The following RHOH variants were observed in gnomAD, a reference collection of about 807,000 sequenced individuals.
The protein encoded by RHOH is ras homolog family member H.
A neutral mutation model predicts 13.8 loss-of-function variants in RHOH; 6 were observed. The observed-to-expected ratio is 0.44, with a 90% CI of 0.24 to 0.86. The LOEUF is 0.86. RHOH is among the 40% of genes least tolerant of loss of function. The probability of loss-of-function intolerance (pLI) is 0.24; values close to 1 mark genes in which losing one functional copy is unlikely to be tolerated. For synonymous variants in RHOH, 117 were observed against 103.0 expected (o/e 1.14, Z -0.82); for missense variants, 147 against 244.5 (o/e 0.60, Z 2.66).
At chr4:40,240,731 C>G (rs538344473) in intron 1 of RHOH, among the ~76,000 whole-genome samples, 4 of 151,844 alleles carry the variant, frequency 2.6e-5, no homozygotes, top group Admixed American at 2.6e-4. Flanking sequence ...GAGCCGAGAT[C>G]GAGCCACTGC....
intron 1 of RHOH, among the ~76,000 whole-genome samples, chr4:40,197,857 T>G (rs558051149): frequency 6.6e-6 from 1 of 152,158 alleles, no homozygotes; most frequent in Non-Finnish European, 1.5e-5. Context: ...GTGGTTTGAT[T>G]TGGAGATATG....
chr4:40,236,899 A>G (rs16995657), intron 1 of RHOH, among the ~76,000 whole-genome samples: 2,004 of 152,310 alleles, frequency 0.013, 45 homozygotes, highest in African/African-American at 0.046. Context: ...GAACTAACCC[A>G]AAGACAGTGA....
chr4:40,219,458 C>CAT (rs1353285606), intron 1 of RHOH, among the ~76,000 whole-genome samples: 1 of 150,484 alleles, frequency 6.6e-6, no homozygotes, highest in East Asian at 1.9e-4. Flanking sequence ...CACATACATT[C>CAT]ATATATATAT....
intron 1 of RHOH, among the ~76,000 whole-genome samples, chr4:40,203,946 C>T (rs1724334536): frequency 6.6e-6 from 1 of 151,930 alleles, no homozygotes; most frequent in Non-Finnish European, 1.5e-5. Flanking sequence ...ACACTCTGGA[C>T]CTTACTGTAT....
At chr4:40,195,354 T>TTTCCTCCCTTCC, upstream of RHOH, among the ~76,000 whole-genome samples, 1 of 92,046 alleles carries the variant, frequency 1.1e-5, no homozygotes, top group East Asian at 3.2e-4. Context: ...CTTTCTTTCT[T>TTTCCTCCCTTCC]TTCCTTCCTT....
chr4:40,201,646 G>A (rs763366137), intron 1 of RHOH, among the ~76,000 whole-genome samples: 3 of 151,908 alleles, frequency 2.0e-5, no homozygotes, highest in Non-Finnish European at 4.4e-5. Flanking sequence ...AATAAATCAG[G>A]CTCCCCACCT....
chr4:40,200,279 G>A (rs1723789986), intron 1 of RHOH: 1 of 152,238 alleles, frequency 6.6e-6, no homozygotes, highest in Non-Finnish European at 1.5e-5. Context: ...TGCACAAGAA[G>A]TTGTCATACT....
intron 1 of RHOH, among the ~76,000 whole-genome samples, chr4:40,197,794 G>C (rs1441846979): frequency 6.6e-6 from 1 of 152,136 alleles, no homozygotes; most frequent in Non-Finnish European, 1.5e-5. Flanking sequence ...TCCCAAAAGT[G>C]CTCTATGATG....
Position 40,204,240 on chromosome 4 carries a change from C to T in RHOH, c.-331+6940C>T, listed in dbSNP as rs1192184891. ...GGAGATGATTCTTTTACTTTAATCACATTCCCCATCGTCAGGGCCTCTGAT... is the reference window on the plus strand; with the variant it reads ...GGAGATGATTCTTTTACTTTAATCATATTCCCCATCGTCAGGGCCTCTGAT... On this transcript the variant is annotated intron_variant, in intron 1 of 2. Coordinates refer to ENST00000381799, the MANE Select transcript of RHOH (RefSeq NM_004310.5). Among the ~76,000 whole-genome samples the T allele has an allele frequency of 2.0e-5, 3 of 152,190 alleles. No individual in the cohort carries two copies. In the East Asian group the frequency reaches 5.8e-4, roughly 29 times the overall value.
chr4:40,235,605 A>AAG (rs1553860297), intron 1 of RHOH, among the ~76,000 whole-genome samples: 1 of 147,256 alleles, frequency 6.8e-6, no homozygotes, highest in Non-Finnish European at 1.5e-5. Flanking sequence ...AAAAAAAAAA[A>AAG]AAAGAAAAAA....
At chr4:40,225,566 C>T (rs190654602) in intron 1 of RHOH, among the ~76,000 whole-genome samples, 9 of 152,226 alleles carry the variant, frequency 5.9e-5, no homozygotes, top group African/African-American at 2.2e-4. Context: ...ACACGAAGGA[C>T]GCCGCTGGAT....
chr4:40,237,355 T>C (rs925051906), intron 1 of RHOH, among the ~76,000 whole-genome samples: 2 of 151,916 alleles, frequency 1.3e-5, no homozygotes, highest in African/African-American at 4.8e-5. Flanking sequence ...CTCAGGAGAC[T>C]GAGGCAGGAG....
upstream of RHOH, among the ~76,000 whole-genome samples, chr4:40,195,980 G>A (rs1723091932): frequency 6.6e-6 from 1 of 152,150 alleles, no homozygotes; most frequent in African/African-American, 2.4e-5. Flanking sequence ...CTTTGAACAT[G>A]CCAACCTCTT....
chr4:40,202,475 T>C (rs570566011), intron 1 of RHOH, among the ~76,000 whole-genome samples: 1 of 152,350 alleles, frequency 6.6e-6, no homozygotes, highest in East Asian at 1.9e-4. Context: ...GTGGTGTGTG[T>C]TCATTTAAGA....
intron 1 of RHOH, among the ~76,000 whole-genome samples, chr4:40,200,866 T>C (rs1723885596): frequency 6.6e-6 from 1 of 152,236 alleles, no homozygotes; most frequent in South Asian, 2.1e-4. Flanking sequence ...CAAATCACAT[T>C]CTTTTCTGGT....
At chr4:40,228,588 G>A (rs1227792469) in intron 1 of RHOH, among the ~76,000 whole-genome samples, 1 of 152,162 alleles carries the variant, frequency 6.6e-6, no homozygotes, top group Admixed American at 6.5e-5. Context: ...ACCTTGAGAT[G>A]TGATGGTTTT....
At chr4:40,197,853 T>G (rs1723406447) in intron 1 of RHOH, among the ~76,000 whole-genome samples, 1 of 152,314 alleles carries the variant, frequency 6.6e-6, no homozygotes, top group Admixed American at 6.5e-5. Context: ...TGAGGTGGTT[T>G]GATTTGGAGA....
intron 1 of RHOH, among the ~76,000 whole-genome samples, chr4:40,223,108 C>G (rs1488801942): frequency 6.6e-6 from 1 of 152,126 alleles, no homozygotes; most frequent in Non-Finnish European, 1.5e-5. Flanking sequence ...ACAGATGAGC[C>G]AAGAAAGTAA....
At chr4:40,212,578 A>T (rs138038158) in intron 1 of RHOH, 1 of 152,118 alleles carries the variant, frequency 6.6e-6, no homozygotes, top group Non-Finnish European at 1.5e-5. Context: ...TTCTCCTCCA[A>T]TCAAAACTGG....
Sources: allele counts gnomAD v4.1 joint callset (sites outside exome capture counted in the v4.1 genomes callset), GRCh38; gene constraint gnomAD v4.1.1; transcripts MANE v1.5; gene names NCBI Gene and HGNC (gene_info 2026-07-23, HGNC 2026-07-21).